Variants in GNAQ observed in about 807,000 individuals in gnomAD.
The protein encoded by GNAQ is guanine nucleotide-binding protein G(q) subunit alpha.
In GNAQ, 8 loss-of-function variants were observed where a neutral mutation model predicts 43.9. The observed-to-expected ratio is 0.18, with a 90% confidence interval of 0.11 to 0.33. GNAQ has a LOEUF of 0.33. Ranked by LOEUF, GNAQ falls within the 10% of genes least tolerant of loss-of-function variation. The pLI, the probability that GNAQ is intolerant of heterozygous loss-of-function variation, is 1.00. For missense variants in GNAQ, 158 were observed against 450.8 expected, an observed-to-expected ratio of 0.35 and a Z score of 5.88; for synonymous variants, 155 against 170.7, an observed-to-expected ratio of 0.91 and a Z score of 0.71.
chr9:77,923,187 T>C (rs1829022955), intron 1 of GNAQ, among the ~76,000 whole-genome samples: 1 of 152,096 alleles, frequency 6.6e-6, no homozygotes, highest in Non-Finnish European at 1.5e-5. Context: ...ACAAGAAGAA[T>C]CATTTTTCTA....
chr9:77,788,854 T>C (rs1319038039), intron 5 of GNAQ, among the ~76,000 whole-genome samples: 2 of 152,226 alleles, frequency 1.3e-5, no homozygotes, highest in South Asian at 2.1e-4. Flanking sequence ...ACAGCCCTTA[T>C]GAATTCTAAC....
chr9:77,971,026 A>G (rs1449827838), intron 1 of GNAQ, among the ~76,000 whole-genome samples: 1 of 152,222 alleles, frequency 6.6e-6, no homozygotes, highest in East Asian at 1.9e-4. Context: ...TAGAAAGTCT[A>G]AAAGAAATGG....
intron 2 of GNAQ, among the ~76,000 whole-genome samples, chr9:77,900,267 C>A (rs1475299165): frequency 6.6e-6 from 1 of 152,148 alleles, no homozygotes; most frequent in Non-Finnish European, 1.5e-5. Flanking sequence ...AACAGAAACA[C>A]ATGTACGAAT....
At chr9:77,797,189 T>C (rs1410756984) in intron 4 of GNAQ, among the ~76,000 whole-genome samples, 3 of 152,042 alleles carry the variant, frequency 2.0e-5, no homozygotes, top group African/African-American at 7.2e-5. Context: ...CCCGCCAGCA[T>C]GCCCGGCTAA....
intron 1 of GNAQ, among the ~76,000 whole-genome samples, chr9:77,953,547 G>A (rs1368457325): frequency 6.6e-6 from 1 of 152,154 alleles, no homozygotes; most frequent in Non-Finnish European, 1.5e-5. Flanking sequence ...ATATGAAGGG[G>A]ATGAGCCGGA....
At chr9:77,984,340 C>T (rs377272527) in intron 1 of GNAQ, among the ~76,000 whole-genome samples, 2 of 151,688 alleles carry the variant, frequency 1.3e-5, no homozygotes, top group African/African-American at 4.8e-5. Flanking sequence ...GCTAATTTTT[C>T]GTATTCTTTG....
At chr9:77,819,553 T>A (rs1170401349) in intron 2 of GNAQ, among the ~76,000 whole-genome samples, 1 of 152,130 alleles carries the variant, frequency 6.6e-6, no homozygotes, top group Non-Finnish European at 1.5e-5. Flanking sequence ...AACTTCCACA[T>A]TTGTGGAAGC....
intron 4 of GNAQ, 35 bp downstream of exon 4, chr9:77,797,474 CAAGGCATAAAA>C (rs772790576): frequency 1.0e-4 from 153 of 1,496,492 alleles, no homozygotes; most frequent in Non-Finnish European, 1.4e-4. Context: ...CAAATGTACT[CAAGGCATAAAA>C]GCTGGGAAAT....
At chr9:77,969,946 T>C (rs951893328) in intron 1 of GNAQ, among the ~76,000 whole-genome samples, 1 of 152,102 alleles carries the variant, frequency 6.6e-6, no homozygotes. Context: ...GTTACGAAAG[T>C]GATGGCTTAT....
At chr9:78,016,657 G>A (rs902836203) in intron 1 of GNAQ, among the ~76,000 whole-genome samples, 1 of 151,652 alleles carries the variant, frequency 6.6e-6, no homozygotes, top group Non-Finnish European at 1.5e-5. Flanking sequence ...ACTCCGGCCT[G>A]GGCGACAGAG....
At chr9:77,921,463 T>G (rs1359096164) in intron 2 of GNAQ, among the ~76,000 whole-genome samples, 1 of 152,224 alleles carries the variant, frequency 6.6e-6, no homozygotes, top group Non-Finnish European at 1.5e-5. Context: ...AGCATTTATT[T>G]TCACTCAGGG....
At chr9:77,978,085 G>A (rs926768886) in intron 1 of GNAQ, among the ~76,000 whole-genome samples, 2 of 152,120 alleles carry the variant, frequency 1.3e-5, no homozygotes, top group African/African-American at 2.4e-5. Context: ...TTCCTAAACA[G>A]AAGCATGGTA....
chr9:77,952,807 T>C (rs887796399), intron 1 of GNAQ, among the ~76,000 whole-genome samples: 1 of 152,128 alleles, frequency 6.6e-6, no homozygotes, highest in African/African-American at 2.4e-5. Flanking sequence ...CATTAATAAA[T>C]AATAAAACAA....
intron 1 of GNAQ, among the ~76,000 whole-genome samples, chr9:77,959,609 A>C (rs942001121): frequency 2.0e-5 from 3 of 152,218 alleles, no homozygotes; most frequent in Non-Finnish European, 4.4e-5. Flanking sequence ...ATTTTTATCA[A>C]AACATTATAG....
chr9:78,026,272 G>C (rs899056159), intron 1 of GNAQ, among the ~76,000 whole-genome samples: 1 of 152,096 alleles, frequency 6.6e-6, no homozygotes, highest in African/African-American at 2.4e-5. Flanking sequence ...ACATTATATG[G>C]AGATCCAGAC....
chr9:77,943,321 T>C (rs1284123718), intron 1 of GNAQ, among the ~76,000 whole-genome samples: 1 of 152,204 alleles, frequency 6.6e-6, no homozygotes, highest in Non-Finnish European at 1.5e-5. Flanking sequence ...TTAACTACAG[T>C]ATATACTGAC....
At chr9:77,787,564 C>T (rs1826501182) in intron 5 of GNAQ, among the ~76,000 whole-genome samples, 1 of 152,102 alleles carries the variant, frequency 6.6e-6, no homozygotes. Context: ...TCCTACCATG[C>T]ACAAAATCAA....
At chr9:77,863,684 A>T (rs796600936) in intron 2 of GNAQ, among the ~76,000 whole-genome samples, 71 of 18,742 alleles carry the variant, frequency 3.8e-3, no homozygotes, top group African/African-American at 6.5e-3. Flanking sequence ...GGCCATTTAT[A>T]AAAAAAAAGA....
chr9:77,947,786 T>C (rs1319512746), intron 1 of GNAQ, among the ~76,000 whole-genome samples: 2 of 152,196 alleles, frequency 1.3e-5, no homozygotes, highest in African/African-American at 4.8e-5. Flanking sequence ...TCTGCATGTC[T>C]AACCAGGGGC....
Sources: gnomAD v4.1 joint callset for allele counts (sites outside exome capture counted in the v4.1 genomes callset) on GRCh38, gnomAD v4.1.1 for gene constraint, MANE v1.5 for transcripts, NCBI Gene and HGNC (gene_info 2026-07-23, HGNC 2026-07-21) for gene names.